Variants in RMDN2 observed in about 807,000 individuals in gnomAD.
The protein encoded by RMDN2 is regulator of microtubule dynamics protein 2.
A neutral mutation model predicts 52.8 loss-of-function variants in RMDN2; 61 were observed. That is an observed-to-expected ratio of 1.16 (90% CI 0.94 to 1.43). The LOEUF (loss-of-function observed/expected upper bound fraction) is 1.43. Among genes scored for constraint, RMDN2 ranks in the 40% most tolerant of loss-of-function variants. RMDN2 has a pLI of 0.00. For missense variants in RMDN2, 592 were observed against 475.3 expected (o/e 1.25, Z -2.28); for synonymous variants, 180 against 153.1 (o/e 1.18, Z -1.30).
intron 10 of RMDN2, among the ~76,000 whole-genome samples, chr2:38,062,346 A>C (rs1682087825): frequency 6.6e-6 from 1 of 152,144 alleles, no homozygotes; most frequent in Non-Finnish European, 1.5e-5. Flanking sequence ...AAGCTGACTT[A>C]TTTTACTCAA....
chr2:38,008,387 C>T (rs894833557), intron 10 of RMDN2, among the ~76,000 whole-genome samples: 5 of 152,128 alleles, frequency 3.3e-5, no homozygotes, highest in African/African-American at 1.2e-4. Context: ...AATCTGGGTG[C>T]TCCTGTATTG....
chr2:38,020,782 C>A (rs908545915), downstream of RMDN2, among the ~76,000 whole-genome samples: 9 of 152,146 alleles, frequency 5.9e-5, no homozygotes, highest in African/African-American at 1.7e-4. Context: ...CCCCCCATGC[C>A]TGAACCTCCC....
chr2:38,029,481 G>A (rs1440951154), intron 10 of RMDN2: 6 of 151,914 alleles, frequency 3.9e-5, no homozygotes, highest in Admixed American at 6.6e-5. Context: ...CTTCAATAAC[G>A]TGAGGACAAG....
intron 5 of RMDN2, among the ~76,000 whole-genome samples, chr2:37,984,849 A>T (rs905932106): frequency 3.3e-5 from 4 of 121,160 alleles, no homozygotes; most frequent in Admixed American, 2.6e-4. Flanking sequence ...TATTTGAGAA[A>T]AAAAAATAAA....
chr2:37,994,851 T>G (rs1675294123), intron 7 of RMDN2, among the ~76,000 whole-genome samples: 1 of 152,170 alleles, frequency 6.6e-6, no homozygotes, highest in Non-Finnish European at 1.5e-5. Flanking sequence ...ATAGCAGCCT[T>G]AGCAGCATAA....
chr2:38,004,211 A>G lies in RMDN2; in HGVS notation c.1174A>G (p.Lys392Glu). The change falls in exon 10 of 11, where the codon AAA becomes GAA. Residue 392 changes from lysine (K) to glutamate (E), a missense_variant. Physicochemically the swap from Lys to Glu is moderately conservative, Grantham distance 56. Coordinates refer to ENST00000354545, the MANE Select transcript of RMDN2 (RefSeq NM_001170791.3). The stretch of plus-strand genomic sequence containing the variant: ...GGCTTTATTGCTTCCTACTGTTACC[A>G]AAGAGGTAAGTCCAGAAAGTGACAG... ...NLALLLPTVT[K>E]EDKEAQKEMQ... 2 of 1,612,572 alleles carry G rather than the reference A, an allele frequency of 1.2e-6. No homozygotes were observed. The highest frequency in any genetic ancestry group is 1.7e-6 in the Non-Finnish European group (2 of 1,178,726).
In RMDN2 at chr2:37,989,448, G is replaced by T. The variant is rs1572962348; in HGVS notation, c.792-93G>T. 3.8e-6 allele frequency: 3 copies of T among 780,178 alleles called. No homozygotes were observed. In the East Asian group the frequency reaches 7.4e-5, roughly 19 times the overall value. The allele number at this position is 780,178 out of a possible 1,614,324, so 48.3% of individuals were successfully genotyped here. A position where few individuals can be genotyped will look rare whatever the true frequency, so the allele number is the denominator to read the frequency against. On this transcript the variant is annotated intron_variant, in intron 5 of 10. Transcript: ENST00000354545. ...ATACTCCTGTTAAATATGAATGAAT[G>T]CTTTAGAGTTTCTTTTAATGTTATG...
intron 6 of RMDN2, among the ~76,000 whole-genome samples, chr2:37,990,958 C>G (rs948694323): frequency 6.6e-6 from 1 of 152,100 alleles, no homozygotes; most frequent in Non-Finnish European, 1.5e-5. Flanking sequence ...CATATGACTT[C>G]GGTGTTTTCA....
chr2:37,936,730 T>C (rs1667322478), intron 2 of RMDN2, among the ~76,000 whole-genome samples: 1 of 152,256 alleles, frequency 6.6e-6, no homozygotes, highest in Non-Finnish European at 1.5e-5. Context: ...GCCCACTTTT[T>C]GATGGGGTTG....
chr2:37,947,500 C>T (rs1183129200), intron 2 of RMDN2, among the ~76,000 whole-genome samples: 2 of 152,112 alleles, frequency 1.3e-5, no homozygotes, highest in Non-Finnish European at 2.9e-5. Flanking sequence ...ACAGCTGTGT[C>T]ATCTGAGTAA....
At chr2:37,943,632 C>G (rs919204928) in intron 2 of RMDN2, among the ~76,000 whole-genome samples, 30 of 152,132 alleles carry the variant, frequency 2.0e-4, no homozygotes, top group African/African-American at 4.3e-4. Context: ...ATTAAATGTA[C>G]TAGAACAGGA....
At chr2:38,049,817 C>T (rs1363048807) in intron 10 of RMDN2, among the ~76,000 whole-genome samples, 2 of 152,196 alleles carry the variant, frequency 1.3e-5, no homozygotes, top group African/African-American at 4.8e-5. Context: ...GATCCTCCCA[C>T]ATCAGCCTCC....
chr2:38,059,726 G>A (rs1157329774), intron 10 of RMDN2, among the ~76,000 whole-genome samples: 1 of 152,148 alleles, frequency 6.6e-6, no homozygotes, highest in Non-Finnish European at 1.5e-5. Flanking sequence ...CGTGGGCAAA[G>A]AAAATGAGAA....
At chr2:38,007,658 T>C (rs913532965) in intron 10 of RMDN2, among the ~76,000 whole-genome samples, 1 of 152,214 alleles carries the variant, frequency 6.6e-6, no homozygotes, top group African/African-American at 2.4e-5. Context: ...AAAAATCAGC[T>C]CCTGGATTCA....
intron 10 of RMDN2, among the ~76,000 whole-genome samples, chr2:38,061,596 C>T (rs2125308636): frequency 6.6e-6 from 1 of 151,800 alleles, no homozygotes; most frequent in Admixed American, 6.6e-5. Context: ...GAAGGCTTCC[C>T]TGACTACTCA....
intron 10 of RMDN2, among the ~76,000 whole-genome samples, chr2:38,047,155 G>C (rs1681324081): frequency 6.6e-6 from 1 of 152,134 alleles, no homozygotes; most frequent in Non-Finnish European, 1.5e-5. Context: ...AGAATTAATT[G>C]CTAGCTGAGT....
intron 2 of RMDN2, among the ~76,000 whole-genome samples, chr2:37,970,660 G>A (rs1445073550): frequency 3.3e-5 from 5 of 152,052 alleles, no homozygotes; most frequent in Admixed American, 3.3e-4. Context: ...TGTGTGCATG[G>A]GAGAGACAGA....
chr2:37,949,240 G>A (rs1668497492), intron 2 of RMDN2, among the ~76,000 whole-genome samples: 6 of 152,086 alleles, frequency 3.9e-5, no homozygotes, highest in Admixed American at 3.3e-4. Flanking sequence ...CTTTATGTGG[G>A]CCATTTTTCA....
chr2:37,974,509 A>G, intron 3 of RMDN2, among the ~76,000 whole-genome samples: 1 of 151,208 alleles, frequency 6.6e-6, no homozygotes, highest in East Asian at 1.9e-4. Context: ...TAATTTATAT[A>G]TTTAACAAAT....
Sources: allele counts gnomAD v4.1 joint callset (sites outside exome capture counted in the v4.1 genomes callset), GRCh38; gene constraint gnomAD v4.1.1; transcripts MANE v1.5; gene names NCBI Gene and HGNC (gene_info 2026-07-23, HGNC 2026-07-21).